BCKDHB: variants seen among roughly 807,000 people sequenced by gnomAD.
BCKDHB encodes the protein 2-oxoisovalerate dehydrogenase subunit beta, mitochondrial.
Under a neutral mutation model 48.5 loss-of-function variants are expected in BCKDHB, and 41 were observed. The ratio of observed to expected loss-of-function variants is 0.85; its 90% CI spans 0.66 to 1.10. BCKDHB has a LOEUF of 1.10. BCKDHB is among the 50% of genes least tolerant of loss of function. The pLI is 0.00. For missense variants in BCKDHB, 496 were observed against 494.2 expected (o/e 1.00, Z -0.03); for synonymous variants, 201 against 174.8 (o/e 1.15, Z -1.18).
intron 8 of BCKDHB, among the ~76,000 whole-genome samples, chr6:80,245,538 G>A (rs1776575950): frequency 6.6e-6 from 1 of 152,120 alleles, no homozygotes. Flanking sequence ...ATCATTTTAA[G>A]TTCTGATACT....
chr6:80,456,645 C>G, the BCKDHB span, among the ~76,000 whole-genome samples: 1 of 152,168 alleles, frequency 6.6e-6, no homozygotes, highest in Non-Finnish European at 1.5e-5. Context: ...GCCAGTTGTC[C>G]CTTAAATGCC....
At chr6:80,271,587 G>C (rs1338764971) in intron 8 of BCKDHB, among the ~76,000 whole-genome samples, 1 of 152,102 alleles carries the variant, frequency 6.6e-6, no homozygotes, top group Non-Finnish European at 1.5e-5. Context: ...TGGTTGTGTA[G>C]GGTTTTAGGG....
intron 6 of BCKDHB, among the ~76,000 whole-genome samples, chr6:80,188,204 C>G (rs1446747540): frequency 6.6e-6 from 1 of 152,048 alleles, no homozygotes; most frequent in Non-Finnish European, 1.5e-5. Flanking sequence ...TTATCCATAG[C>G]AAAACATTAT....
At chr6:80,432,936 G>A in the BCKDHB span, among the ~76,000 whole-genome samples, 1 of 152,138 alleles carries the variant, frequency 6.6e-6, no homozygotes, top group African/African-American at 2.4e-5. Context: ...TAGGTCTGCT[G>A]GAGTTTGCTG....
chr6:80,205,199 G>A (rs1582351943), intron 8 of BCKDHB, among the ~76,000 whole-genome samples: 1 of 152,030 alleles, frequency 6.6e-6, no homozygotes, highest in South Asian at 2.1e-4. Flanking sequence ...AAAGAAGAGG[G>A]CCCTATAACC....
At chr6:80,290,962 T>C (rs113729811) in intron 9 of BCKDHB, among the ~76,000 whole-genome samples, 1,624 of 152,348 alleles carry the variant, frequency 0.011, 24 homozygotes, top group African/African-American at 0.037. Flanking sequence ...GCAGTCAGGA[T>C]GACCTGAGGT....
intron 8 of BCKDHB, among the ~76,000 whole-genome samples, chr6:80,245,520 C>T (rs972260004): frequency 3.0e-4 from 45 of 152,062 alleles, no homozygotes; most frequent in African/African-American, 1.0e-3. Context: ...GGTAAAAACA[C>T]GATAGAGATC....
chr6:80,390,622 G>A, the BCKDHB span, among the ~76,000 whole-genome samples: 1 of 152,120 alleles, frequency 6.6e-6, no homozygotes, highest in Non-Finnish European at 1.5e-5. Flanking sequence ...TTTGGGTTGG[G>A]GATTGGTGCG....
At chr6:80,465,016 G>T in the BCKDHB span, among the ~76,000 whole-genome samples, 12 of 152,190 alleles carry the variant, frequency 7.9e-5, no homozygotes, top group African/African-American at 2.9e-4. Context: ...AAATTGAGCT[G>T]CCCAGGTTTT....
chr6:80,461,224 C>T, the BCKDHB span, among the ~76,000 whole-genome samples: 1 of 152,026 alleles, frequency 6.6e-6, no homozygotes, highest in African/African-American at 2.4e-5. Context: ...TATGTTCTGC[C>T]CTGCTTCTCC....
intron 9 of BCKDHB, among the ~76,000 whole-genome samples, chr6:80,308,380 A>G (rs1319514857): frequency 1.3e-5 from 2 of 152,136 alleles, no homozygotes; most frequent in African/African-American, 2.4e-5. Context: ...ACTCACTGCT[A>G]CAAGCCTCAG....
chr6:80,330,526 GGA>G (rs1301258718), intron 9 of BCKDHB, among the ~76,000 whole-genome samples: 6 of 152,136 alleles, frequency 3.9e-5, no homozygotes, highest in Admixed American at 1.3e-4. Context: ...TGTGATACTT[GGA>G]GATGTTTTTG....
the BCKDHB span, among the ~76,000 whole-genome samples, chr6:80,424,679 T>C: frequency 2.4e-3 from 369 of 152,326 alleles, no homozygotes; most frequent in African/African-American, 8.1e-3. Flanking sequence ...CATGTAGAAT[T>C]CTTTCATTGA....
intron 8 of BCKDHB, among the ~76,000 whole-genome samples, chr6:80,271,216 T>G (rs1267174189): frequency 2.0e-5 from 3 of 152,280 alleles, no homozygotes; most frequent in Admixed American, 1.3e-4. Context: ...GTCCTGCAAC[T>G]TACTCATTTT....
chr6:80,350,719 C>T (rs1244070033), downstream of BCKDHB, among the ~76,000 whole-genome samples: 1 of 152,028 alleles, frequency 6.6e-6, no homozygotes, highest in Non-Finnish European at 1.5e-5. Context: ...TTACTATGAA[C>T]CCTCATAAGA....
chr6:80,216,675 A>T (rs546623732), intron 8 of BCKDHB, among the ~76,000 whole-genome samples: 16 of 152,330 alleles, frequency 1.1e-4, no homozygotes, highest in Admixed American at 9.2e-4. Flanking sequence ...AAAAAAGATT[A>T]TAGGTACATT....
intron 3 of BCKDHB, among the ~76,000 whole-genome samples, chr6:80,134,020 T>G (rs1408957197): frequency 6.6e-6 from 1 of 152,112 alleles, no homozygotes; most frequent in Non-Finnish European, 1.5e-5. Flanking sequence ...ATTGTCATTC[T>G]CTGAGAGAGA....
At chr6:80,292,900 T>C (rs1767007259) in intron 9 of BCKDHB, among the ~76,000 whole-genome samples, 1 of 152,164 alleles carries the variant, frequency 6.6e-6, no homozygotes, top group Non-Finnish European at 1.5e-5. Flanking sequence ...GGCAGTCAAA[T>C]CTTAAAGCTC....
At chr6:80,119,121 T>C (rs1769867021) in intron 1 of BCKDHB, among the ~76,000 whole-genome samples, 1 of 152,076 alleles carries the variant, frequency 6.6e-6, no homozygotes, top group Non-Finnish European at 1.5e-5. Context: ...AGACCTGGGC[T>C]CTACTAAAAA....
Sources: gnomAD v4.1 joint callset for allele counts (sites outside exome capture counted in the v4.1 genomes callset) on GRCh38, gnomAD v4.1.1 for gene constraint, MANE v1.5 for transcripts, NCBI Gene and HGNC (gene_info 2026-07-23, HGNC 2026-07-21) for gene names.